The following SHQ1 variants were observed in gnomAD, a reference collection of about 807,000 sequenced individuals.
SHQ1 encodes protein SHQ1 homolog.
SHQ1 carries 49 observed loss-of-function variants against 53.8 expected under a neutral mutation model. The observed-to-expected ratio is 0.91, with a 90% CI of 0.72 to 1.16. The LOEUF (loss-of-function observed/expected upper bound fraction) is 1.16. Ranked by LOEUF, SHQ1 falls within the 50% of genes most tolerant of loss-of-function variation. The probability of loss-of-function intolerance (pLI) is 0.00; values close to 1 mark genes in which losing one functional copy is unlikely to be tolerated. For synonymous variants in SHQ1, 243 were observed against 251.0 expected (o/e 0.97, Z 0.30); for missense variants, 738 against 683.1 (o/e 1.08, Z -0.90).
intron 10 of SHQ1, among the ~76,000 whole-genome samples, chr3:72,786,990 T>C (rs1012560312): frequency 5.3e-5 from 8 of 152,208 alleles, no homozygotes; most frequent in South Asian, 2.1e-4. Context: ...CACATGCACA[T>C]AGAAAGCAAC....
At chr3:72,783,363 CTTTTTTTTTT>C (rs796866861) in intron 10 of SHQ1, among the ~76,000 whole-genome samples, 7 of 129,114 alleles carry the variant, frequency 5.4e-5, no homozygotes, top group Admixed American at 4.6e-4. Context: ...TTTTTATACA[CTTTTTTTTTT>C]TTTTTTTTTG....
At chr3:72,818,739 C>A (rs1191012101) in intron 6 of SHQ1, among the ~76,000 whole-genome samples, 1 of 152,122 alleles carries the variant, frequency 6.6e-6, no homozygotes, top group East Asian at 1.9e-4. Flanking sequence ...TATTAGCAGA[C>A]CAAAGCCAGG....
intron 4 of SHQ1, among the ~76,000 whole-genome samples, chr3:72,834,740 G>A (rs1030287880): frequency 6.6e-6 from 1 of 152,168 alleles, no homozygotes; most frequent in African/African-American, 2.4e-5. Flanking sequence ...TCCTTTGAGT[G>A]CCATGCTGGT....
chr3:72,754,392 T>C (rs1268798428), intron 10 of SHQ1, among the ~76,000 whole-genome samples: 3 of 151,878 alleles, frequency 2.0e-5, no homozygotes, highest in Non-Finnish European at 2.9e-5. Context: ...TTCTTTTTTT[T>C]TTTTTTGAGA....
At chr3:72,739,995 G>T in the SHQ1 span, among the ~76,000 whole-genome samples, 89 of 152,034 alleles carry the variant, frequency 5.9e-4, no homozygotes, top group Non-Finnish European at 1.1e-3. Context: ...CGAGATGAAG[G>T]TGTGGCCGCT....
At chr3:72,732,473 T>G in the SHQ1 span, among the ~76,000 whole-genome samples, 1 of 148,778 alleles carries the variant, frequency 6.7e-6, no homozygotes, top group African/African-American at 2.5e-5. Flanking sequence ...GTTACTTGTA[T>G]CCAAACACAT....
At chr3:72,745,399 G>A (rs1433948505), downstream of SHQ1, among the ~76,000 whole-genome samples, 3 of 152,176 alleles carry the variant, frequency 2.0e-5, no homozygotes, top group Non-Finnish European at 4.4e-5. Flanking sequence ...ACCTGGCCAT[G>A]CCCACAGCAA....
Position 72,781,238 on chromosome 3 carries a change from T to A in SHQ1, c.1181+11678A>T, listed in dbSNP as rs1195859678. ...CCATGCTAATTTTTGTATTCTTAAG[T>A]AGAGATGGGGTTTCACCATGTTGAC... On this transcript the variant is annotated intron_variant, in intron 10 of 10. Transcript: ENST00000325599. 2.0e-5 allele frequency among the ~76,000 whole-genome samples: 3 copies of A among 151,836 alleles called. No homozygotes were observed. In the East Asian group the frequency reaches 5.8e-4, roughly 29 times the overall value.
At chr3:72,779,931 T>C (rs1170816346) in intron 10 of SHQ1, among the ~76,000 whole-genome samples, 1 of 152,154 alleles carries the variant, frequency 6.6e-6, no homozygotes, top group Non-Finnish European at 1.5e-5. Context: ...CAAGGTTGGA[T>C]CTTTCTGATA....
intron 6 of SHQ1, among the ~76,000 whole-genome samples, chr3:72,819,444 AT>A (rs576932443): frequency 2.1e-4 from 31 of 149,072 alleles, no homozygotes; most frequent in African/African-American, 3.9e-4. Context: ...AAATATGTCC[AT>A]TTTTTTTTTA....
intron 10 of SHQ1, among the ~76,000 whole-genome samples, chr3:72,763,648 C>A (rs1705658366): frequency 1.3e-5 from 2 of 152,162 alleles, no homozygotes; most frequent in African/African-American, 4.8e-5. Flanking sequence ...ATAAAAAACA[C>A]AATGTAAAGA....
chr3:72,843,208 A>G (rs1434613737), intron 2 of SHQ1, among the ~76,000 whole-genome samples: 3 of 152,202 alleles, frequency 2.0e-5, no homozygotes, highest in African/African-American at 7.2e-5. Context: ...CTAAGAAGGT[A>G]ATAGCTTAGA....
intron 10 of SHQ1, among the ~76,000 whole-genome samples, chr3:72,783,609 C>T (rs1385192456): frequency 6.6e-6 from 1 of 152,124 alleles, no homozygotes; most frequent in Admixed American, 6.5e-5. Flanking sequence ...CCAGCATGCC[C>T]AGCCCTAAGC....
At chr3:72,785,019 C>A (rs943673101) in intron 10 of SHQ1, among the ~76,000 whole-genome samples, 2 of 152,196 alleles carry the variant, frequency 1.3e-5, no homozygotes, top group Non-Finnish European at 2.9e-5. Flanking sequence ...AACACACTTA[C>A]CCTTGCTGAG....
chr3:72,810,756 C>T lies in SHQ1; in HGVS notation c.1060+1915G>A, dbSNP rs550971835. 2.0e-5 allele frequency among the ~76,000 whole-genome samples: 3 copies of T among 152,270 alleles called. No individual in the cohort carries two copies. In the South Asian group the frequency reaches 6.2e-4, roughly 32 times the overall value. ...CATCCACCTGTACAAAGACAGGTGA[C>T]GATTCTCATCCAGAACATGTCATCT... On this transcript the variant is annotated intron_variant, in intron 9 of 10. Coordinates refer to ENST00000325599, the MANE Select transcript of SHQ1 (RefSeq NM_018130.3).
the SHQ1 span, among the ~76,000 whole-genome samples, chr3:72,734,703 G>C: frequency 9.9e-5 from 15 of 151,672 alleles, no homozygotes; most frequent in Non-Finnish European, 1.9e-4. Context: ...ACCTATAGAA[G>C]AAAAACATGG....
intron 10 of SHQ1, among the ~76,000 whole-genome samples, chr3:72,789,081 TA>T (rs1205170855): frequency 0.024 from 1,455 of 61,664 alleles, 7 homozygotes; most frequent in African/African-American, 0.044. Flanking sequence ...CAATAAACAC[TA>T]AAAAAAAAAA....
At chr3:72,775,042 G>A (rs192256238) in intron 10 of SHQ1, among the ~76,000 whole-genome samples, 1 of 152,272 alleles carries the variant, frequency 6.6e-6, no homozygotes, top group East Asian at 1.9e-4. Context: ...TTGAACCAGG[G>A]AAGCAGAGGT....
Position 72,749,963 on chromosome 3 carries a change from C to T in SHQ1, c.*321G>A. The T allele has an allele frequency of 3.5e-6, 1 of 285,340 alleles. No individual in the cohort carries two copies. Among genetic ancestry groups the T allele is most frequent in the Admixed American group, 4.9e-5 (1 of 20,592 alleles). The allele number at this position is 285,340 out of a possible 1,614,324, so 17.7% of individuals were successfully genotyped here. A position where few individuals can be genotyped will look rare whatever the true frequency, so the allele number is the denominator to read the frequency against. On this transcript the variant is annotated 3_prime_UTR_variant, in exon 11 of 11. Coordinates refer to ENST00000325599, the MANE Select transcript of SHQ1 (RefSeq NM_018130.3). ...GGTGCAGTATTTGCATATAACCTAC[C>T]CACATCCTCCTGCACAGTTTAAATC... is the stretch of plus-strand genomic sequence containing the variant.
Sources: allele counts gnomAD v4.1 joint callset (sites outside exome capture counted in the v4.1 genomes callset), GRCh38; gene constraint gnomAD v4.1.1; transcripts MANE v1.5; gene names NCBI Gene and HGNC (gene_info 2026-07-23, HGNC 2026-07-21).